Variants in LINGO2 observed in about 807,000 individuals in gnomAD.
LINGO2 encodes leucine-rich repeat and immunoglobulin-like domain-containing nogo receptor-interacting protein 2.
In LINGO2, 14 loss-of-function variants were observed where a neutral mutation model predicts 30.6. The ratio of observed to expected loss-of-function variants is 0.46; its 90% CI spans 0.30 to 0.72. LINGO2 has a LOEUF of 0.72. Among genes scored for constraint, LINGO2 ranks in the 30% least tolerant of loss-of-function variants. LINGO2 has a pLI of 0.07. For missense variants in LINGO2, 729 were observed against 751.7 expected (o/e 0.97, Z 0.35); for synonymous variants, 317 against 288.5 (o/e 1.10, Z -1.00).
the LINGO2 span, among the ~76,000 whole-genome samples, chr9:28,729,972 C>A: frequency 2.6e-5 from 4 of 151,772 alleles, no homozygotes; most frequent in African/African-American, 9.7e-5. Flanking sequence ...ATACAAAAAT[C>A]AGAAATCAAA....
chr9:28,686,143 G>A, the LINGO2 span, among the ~76,000 whole-genome samples: 3 of 152,010 alleles, frequency 2.0e-5, no homozygotes, highest in East Asian at 1.9e-4. Context: ...ATAAGGTCTT[G>A]TAATTGGATA....
the LINGO2 span, among the ~76,000 whole-genome samples, chr9:28,986,567 T>C: frequency 6.6e-6 from 1 of 152,036 alleles, no homozygotes; most frequent in Non-Finnish European, 1.5e-5. Context: ...GTTTTATAGT[T>C]TTCAATATAC....
chr9:28,030,415 T>A (rs185120787), intron 4 of LINGO2, among the ~76,000 whole-genome samples: 48 of 152,322 alleles, frequency 3.2e-4, no homozygotes, highest in African/African-American at 1.2e-3. Context: ...TTTATGCAAT[T>A]AACTCAGAAG....
the LINGO2 span, among the ~76,000 whole-genome samples, chr9:29,145,207 A>C: frequency 7.2e-5 from 11 of 152,288 alleles, no homozygotes; most frequent in South Asian, 2.3e-3. Context: ...CATATTGTGC[A>C]AATGTCATCA....
At chr9:27,969,377 G>A (rs907109748) in intron 5 of LINGO2, among the ~76,000 whole-genome samples, 1 of 152,016 alleles carries the variant, frequency 6.6e-6, no homozygotes, top group African/African-American at 2.4e-5. Context: ...AGTGTCTAAC[G>A]ATGTGTGGCC....
chr9:28,732,093 C>A, the LINGO2 span, among the ~76,000 whole-genome samples: 2 of 152,014 alleles, frequency 1.3e-5, no homozygotes, highest in African/African-American at 2.4e-5. Flanking sequence ...TAAGGAGGAG[C>A]TAGAACAACT....
At chr9:29,175,526 T>A in the LINGO2 span, among the ~76,000 whole-genome samples, 13 of 128,982 alleles carry the variant, frequency 1.0e-4, no homozygotes, top group African/African-American at 2.9e-4. Context: ...TCCGAGATTT[T>A]TTTTTTTTTT....
chr9:28,434,645 G>A (rs573478828), intron 2 of LINGO2, among the ~76,000 whole-genome samples: 4 of 151,694 alleles, frequency 2.6e-5, no homozygotes, highest in South Asian at 2.1e-4. Context: ...CCATACATTC[G>A]TTATTCTCTT....
the LINGO2 span, among the ~76,000 whole-genome samples, chr9:29,006,834 G>A: frequency 6.6e-6 from 1 of 152,026 alleles, no homozygotes. Context: ...CTGTAAAACG[G>A]AGGCTGTAGA....
At chr9:28,366,024 T>A (rs1447680727) in intron 3 of LINGO2, among the ~76,000 whole-genome samples, 1 of 152,152 alleles carries the variant, frequency 6.6e-6, no homozygotes, top group African/African-American at 2.4e-5. Context: ...TACTTTGAAC[T>A]TTTTCACAAT....
At chr9:28,989,578 A>C in the LINGO2 span, among the ~76,000 whole-genome samples, 3 of 152,196 alleles carry the variant, frequency 2.0e-5, no homozygotes, top group East Asian at 1.9e-4. Flanking sequence ...CTTAACCTTT[A>C]GGAGCCTGTG....
chr9:29,011,082 A>G, the LINGO2 span, among the ~76,000 whole-genome samples: 1 of 152,204 alleles, frequency 6.6e-6, no homozygotes. Context: ...TCAAAATTCC[A>G]TTAAACATTG....
chr9:28,128,661 A>G (rs1827303105), intron 4 of LINGO2, among the ~76,000 whole-genome samples: 2 of 152,082 alleles, frequency 1.3e-5, no homozygotes, highest in Admixed American at 6.5e-5. Flanking sequence ...GGTCTTTTGG[A>G]CTCAACTTCT....
chr9:28,289,338 C>T (rs1823635283), intron 4 of LINGO2, among the ~76,000 whole-genome samples: 1 of 152,162 alleles, frequency 6.6e-6, no homozygotes, highest in East Asian at 1.9e-4. Flanking sequence ...TTCCAGAGGA[C>T]ACTTCTAAAT....
chr9:28,832,831 A>G, the LINGO2 span, among the ~76,000 whole-genome samples: 1 of 152,156 alleles, frequency 6.6e-6, no homozygotes, highest in Admixed American at 6.5e-5. Flanking sequence ...CTTTTGCTAT[A>G]TCCTATGCAC....
At chr9:28,560,510 G>T (rs895105459) in intron 1 of LINGO2, among the ~76,000 whole-genome samples, 1 of 151,904 alleles carries the variant, frequency 6.6e-6, no homozygotes, top group African/African-American at 2.4e-5. Context: ...CAATCCTTAA[G>T]TCATCTTCTA....
chr9:28,204,682 C>A (rs1377136062), intron 4 of LINGO2, among the ~76,000 whole-genome samples: 1 of 152,066 alleles, frequency 6.6e-6, no homozygotes, highest in African/African-American at 2.4e-5. Flanking sequence ...ACTTAAAATG[C>A]AACTCTTCCA....
intron 4 of LINGO2, among the ~76,000 whole-genome samples, chr9:28,089,781 GT>G (rs1826022140): frequency 6.6e-6 from 1 of 152,092 alleles, no homozygotes; most frequent in South Asian, 2.1e-4. Flanking sequence ...CCAGGAGCTG[GT>G]TTTTTGAAAA....
At chr9:28,365,586 A>C (rs1392126281) in intron 3 of LINGO2, among the ~76,000 whole-genome samples, 1 of 151,346 alleles carries the variant, frequency 6.6e-6, no homozygotes, top group Non-Finnish European at 1.5e-5. Context: ...GTAGGCAGTT[A>C]AAGGGACCTG....
Sources: allele counts gnomAD v4.1 joint callset (sites outside exome capture counted in the v4.1 genomes callset), GRCh38; gene constraint gnomAD v4.1.1; transcripts MANE v1.5; gene names NCBI Gene and HGNC (gene_info 2026-07-23, HGNC 2026-07-21).